CFAP61: variants seen among roughly 807,000 people sequenced by gnomAD.
The protein encoded by CFAP61 is cilia- and flagella-associated protein 61.
In CFAP61, 107 loss-of-function variants were observed where a neutral mutation model predicts 135.6. The observed-to-expected ratio is 0.79, with a 90% CI of 0.67 to 0.93. The LOEUF (loss-of-function observed/expected upper bound fraction) is 0.93. CFAP61 is among the 40% of genes least tolerant of loss of function. CFAP61 has a pLI of 0.00. For synonymous variants in CFAP61, 575 were observed against 578.5 expected, an observed-to-expected ratio of 0.99 and a Z score of 0.09; for missense variants, 1,507 against 1,556.2, an observed-to-expected ratio of 0.97 and a Z score of 0.53.
At chr20:20,277,048 G>A in intron 21 of CFAP61, 118 bp from the exon 22 acceptor site, 1 of 753,156 alleles carries the variant, frequency 1.3e-6, no homozygotes, top group Non-Finnish European at 2.1e-6. Flanking sequence ...TAACACCGCT[G>A]GCTTCCTGCA....
At chr20:20,237,434 G>T (rs1237937888) in intron 18 of CFAP61, among the ~76,000 whole-genome samples, 1 of 151,962 alleles carries the variant, frequency 6.6e-6, no homozygotes, top group Non-Finnish European at 1.5e-5. Flanking sequence ...AGAGAAGAGA[G>T]AAGTAGGGTC....
At chr20:20,250,099 C>G (rs1429253453) in intron 19 of CFAP61, among the ~76,000 whole-genome samples, 2 of 152,180 alleles carry the variant, frequency 1.3e-5, no homozygotes, top group East Asian at 3.8e-4. Flanking sequence ...GTAACAAGGT[C>G]TAATATGCCC....
intron 8 of CFAP61, among the ~76,000 whole-genome samples, chr20:20,125,980 C>CT (rs1251740426): frequency 6.6e-6 from 1 of 151,764 alleles, no homozygotes; most frequent in Non-Finnish European, 1.5e-5. Flanking sequence ...CTCTTTGTCT[C>CT]TTTTAACTGC....
chr20:20,277,407 C>T lies in CFAP61; in HGVS notation c.2745C>T (p.Ile915=), dbSNP rs1383415948. 2 of 1,614,012 alleles carry T rather than the reference C, an allele frequency of 1.2e-6. No individual in the cohort carries two copies. Among genetic ancestry groups the T allele is most frequent in the Non-Finnish European group, 1.7e-6 (2 of 1,179,934 alleles). Residue 915 remains isoleucine, a synonymous_variant, in exon 22 of 27, where the codon ATC becomes ATT. Coordinates refer to ENST00000245957, the MANE Select transcript of CFAP61 (RefSeq NM_015585.4). ...ATGACGGCCTGCACCCAGACCCCAT[C>T]TACAGCGCCTCCTTCACCACACCCA... ...QWNDGLHPDP[I]YSASFTTPTK... is the part of the protein sequence containing the mutation.
rs1203866271 is a variant in CFAP61, at chr20:20,055,221, C to T, written c.-36-1397C>T. ...TCTATATTTCTTTATTATAAACATA[C>T]TTAGTTTGTAGTCTGTTTCAGAGTC... On this transcript the variant is annotated intron_variant, in intron 1 of 26. Transcript: ENST00000245957. 2.6e-5 allele frequency among the ~76,000 whole-genome samples: 4 copies of T among 152,058 alleles called. No individual in the cohort carries two copies. The South Asian group carries it at 8.3e-4, about 32-fold the overall frequency.
intron 6 of CFAP61, among the ~76,000 whole-genome samples, chr20:20,084,564 C>G (rs897559177): frequency 6.6e-6 from 1 of 152,120 alleles, no homozygotes; most frequent in African/African-American, 2.4e-5. Context: ...CCTCTGGGGC[C>G]GTAATCATGT....
intron 9 of CFAP61, among the ~76,000 whole-genome samples, chr20:20,145,269 G>C (rs1014172643): frequency 1.3e-5 from 2 of 152,056 alleles, no homozygotes; most frequent in Non-Finnish European, 2.9e-5. Context: ...AGACCCAGAG[G>C]GGAAAAGTAT....
intron 14 of CFAP61, among the ~76,000 whole-genome samples, chr20:20,189,487 CTGTACTTA>C (rs1174218032): frequency 6.6e-6 from 1 of 152,220 alleles, no homozygotes; most frequent in East Asian, 1.9e-4. Flanking sequence ...TACTTATGAT[CTGTACTTA>C]TGTACTTATG....
Position 20,196,586 on chromosome 20 carries a change from G to A in CFAP61, c.1607G>A (p.Arg536Gln), listed in dbSNP as rs750210901. ...CTTCTGTAGGACATTGAGTACATAC[G>A]GTCCCATTACAACATTGAAGATTTC... ...IRNEMDIEYI[R>Q]SHYNIEDFIY... The change falls in exon 16 of 27, where the codon CGG becomes CAG. Residue 536 changes from arginine (R) to glutamine (Q), a missense_variant. Arg to Gln is a conservative substitution (Grantham distance 43). Transcript: ENST00000245957. The A allele has an allele frequency of 9.9e-6, 16 of 1,613,162 alleles. 1 individual carries two copies. Among genetic ancestry groups the A allele is most frequent in the African/African-American group, 4.0e-5 (3 of 74,852 alleles).
At chr20:20,341,449 T>C (rs1765850571) in intron 25 of CFAP61, among the ~76,000 whole-genome samples, 1 of 152,240 alleles carries the variant, frequency 6.6e-6, no homozygotes, top group South Asian at 2.1e-4. Flanking sequence ...TGAACAACAT[T>C]TGTGTTATTG....
chr20:20,263,108 G>A lies in CFAP61; in HGVS notation c.2481G>A (p.Arg827=), dbSNP rs762018435. The A allele has an allele frequency of 6.2e-7, 1 of 1,613,556 alleles. No individual in the cohort carries two copies. The highest frequency in any genetic ancestry group is 8.5e-7 in the Non-Finnish European group (1 of 1,179,688). ...EDCFKALIWI[R]NNSITTEGNI... ...GCTTTAAGGCACTGATTTGGATAAGGAATAACTCCATCACCACAGAAGGTA... is the reference window on the plus strand; with the variant it reads ...GCTTTAAGGCACTGATTTGGATAAGAAATAACTCCATCACCACAGAAGGTA... The change falls in exon 21 of 27, where the codon AGG becomes AGA. Residue 827 remains arginine, a synonymous_variant. Transcript: ENST00000245957.
At chr20:20,357,187 C>G (rs2059239602) in intron 26 of CFAP61, among the ~76,000 whole-genome samples, 1 of 77,322 alleles carries the variant, frequency 1.3e-5, no homozygotes, top group African/African-American at 4.8e-5. Context: ...GGGAGGTGGT[C>G]ATACTGTGAG....
At chr20:20,146,347 C>CT (rs1161109490) in intron 9 of CFAP61, among the ~76,000 whole-genome samples, 6 of 152,182 alleles carry the variant, frequency 3.9e-5, no homozygotes, top group Admixed American at 6.5e-5. Context: ...AATGAAACAA[C>CT]TTAATTCAGC....
chr20:20,336,430 G>A (rs924306685), intron 25 of CFAP61, among the ~76,000 whole-genome samples: 4 of 152,134 alleles, frequency 2.6e-5, no homozygotes, highest in African/African-American at 9.6e-5. Context: ...AGACCAACCT[G>A]GGCAACATGG....
intron 25 of CFAP61, among the ~76,000 whole-genome samples, chr20:20,304,704 A>T (rs1474177429): frequency 6.6e-6 from 1 of 152,036 alleles, no homozygotes. Flanking sequence ...TCCTCCCTTC[A>T]GGACACCGGG....
At chr20:20,117,146 A>G (rs1442159016) in intron 8 of CFAP61, among the ~76,000 whole-genome samples, 1 of 152,142 alleles carries the variant, frequency 6.6e-6, no homozygotes, top group Non-Finnish European at 1.5e-5. Context: ...ACTTGAGTTC[A>G]GGAGTTCGAG....
intron 9 of CFAP61, among the ~76,000 whole-genome samples, chr20:20,148,712 C>T (rs778952056): frequency 6.6e-6 from 1 of 152,076 alleles, no homozygotes; most frequent in African/African-American, 2.4e-5. Flanking sequence ...TTTGTGTTTT[C>T]TAGGTATGTG....
At chr20:20,189,279 C>CTT (rs2055740226) in intron 14 of CFAP61, among the ~76,000 whole-genome samples, 1 of 152,128 alleles carries the variant, frequency 6.6e-6, no homozygotes, top group Non-Finnish European at 1.5e-5. Context: ...GTCTTGCACT[C>CTT]TTTTAGTTCT....
At chr20:20,194,426 T>G (rs1049567762) in intron 15 of CFAP61, among the ~76,000 whole-genome samples, 9 of 152,242 alleles carry the variant, frequency 5.9e-5, no homozygotes, top group African/African-American at 2.2e-4. Flanking sequence ...GTTTATTACA[T>G]GTAAGATCCT....
Sources: allele counts gnomAD v4.1 joint callset (sites outside exome capture counted in the v4.1 genomes callset), GRCh38; gene constraint gnomAD v4.1.1; transcripts MANE v1.5; gene names NCBI Gene and HGNC (gene_info 2026-07-23, HGNC 2026-07-21).